Variants in SCFD2 observed in about 807,000 individuals in gnomAD.
SCFD2 encodes the protein sec1 family domain-containing protein 2.
In SCFD2, 54 loss-of-function variants were observed where a neutral mutation model predicts 58.9. That is an observed-to-expected ratio of 0.92 (90% CI 0.74 to 1.15). SCFD2 has a LOEUF of 1.15. Among genes scored for constraint, SCFD2 ranks in the 50% most tolerant of loss-of-function variants. The pLI, the probability that SCFD2 is intolerant of heterozygous loss-of-function variation, is 0.00. For missense variants in SCFD2, 805 were observed against 836.6 expected, an observed-to-expected ratio of 0.96 and a Z score of 0.47; for synonymous variants, 321 against 335.9, an observed-to-expected ratio of 0.96 and a Z score of 0.49.
chr4:52,996,129 G>GT (rs1721736349), intron 5 of SCFD2, among the ~76,000 whole-genome samples: 1 of 152,176 alleles, frequency 6.6e-6, no homozygotes, highest in Non-Finnish European at 1.5e-5. Flanking sequence ...GATTATGGAA[G>GT]TTTTTTCCTC....
intron 4 of SCFD2, among the ~76,000 whole-genome samples, chr4:53,242,957 T>C (rs1291280085): frequency 6.6e-6 from 1 of 152,038 alleles, no homozygotes; most frequent in African/African-American, 2.4e-5. Flanking sequence ...AAAACATAAA[T>C]AAAACCTCTG....
At chr4:53,110,528 C>A (rs1236837234) in intron 5 of SCFD2, among the ~76,000 whole-genome samples, 1 of 152,170 alleles carries the variant, frequency 6.6e-6, no homozygotes, top group East Asian at 1.9e-4. Flanking sequence ...CTACAAGGAA[C>A]TTAAACAAAT....
At chr4:53,216,536 T>C (rs1300720754) in intron 4 of SCFD2, among the ~76,000 whole-genome samples, 1 of 152,184 alleles carries the variant, frequency 6.6e-6, no homozygotes, top group African/African-American at 2.4e-5. Flanking sequence ...TTCTTCTCTC[T>C]TTTTTTCTTT....
intron 5 of SCFD2, chr4:52,949,281 A>G (rs1720524326): frequency 6.6e-6 from 1 of 152,232 alleles, no homozygotes; most frequent in South Asian, 2.1e-4. Flanking sequence ...AATATTTTAC[A>G]TGAATACTTC....
At chr4:53,054,119 C>T (rs1723258076) in intron 5 of SCFD2, among the ~76,000 whole-genome samples, 1 of 152,078 alleles carries the variant, frequency 6.6e-6, no homozygotes. Context: ...CTCTGATAAC[C>T]ACCCATCTAG....
chr4:52,915,983 G>T (rs1386038597), intron 6 of SCFD2, among the ~76,000 whole-genome samples: 1 of 152,240 alleles, frequency 6.6e-6, no homozygotes, highest in Non-Finnish European at 1.5e-5. Context: ...GGCACTGCTG[G>T]TTCAAAATGC....
At chr4:53,035,917 G>A (rs1458895912) in intron 5 of SCFD2, among the ~76,000 whole-genome samples, 1 of 152,112 alleles carries the variant, frequency 6.6e-6, no homozygotes, top group Non-Finnish European at 1.5e-5. Context: ...AGACAGTGTG[G>A]CGATTCCTCA....
intron 5 of SCFD2, among the ~76,000 whole-genome samples, chr4:53,074,348 GCT>G (rs890540700): frequency 3.3e-5 from 5 of 152,118 alleles, no homozygotes; most frequent in Admixed American, 1.3e-4. Context: ...TACTTCATCT[GCT>G]GAAGTCTTGA....
intron 4 of SCFD2, among the ~76,000 whole-genome samples, chr4:53,244,834 A>AT (rs1385984569): frequency 6.6e-6 from 1 of 151,380 alleles, no homozygotes; most frequent in Non-Finnish European, 1.5e-5. Flanking sequence ...AAAAAAAATA[A>AT]TAATAATAAT....
At chr4:52,963,962 A>G (rs1720906294) in intron 5 of SCFD2, among the ~76,000 whole-genome samples, 1 of 152,268 alleles carries the variant, frequency 6.6e-6, no homozygotes, top group Non-Finnish European at 1.5e-5. Context: ...ACACATGAGA[A>G]TGAAGGACTA....
At chr4:53,294,430 T>G (rs1731950732) in intron 3 of SCFD2, among the ~76,000 whole-genome samples, 1 of 152,248 alleles carries the variant, frequency 6.6e-6, no homozygotes, top group African/African-American at 2.4e-5. Context: ...GTTGGCTGCA[T>G]AAAGGTCTTC....
intron 1 of SCFD2, among the ~76,000 whole-genome samples, chr4:53,354,507 C>T (rs1734343911): frequency 6.6e-6 from 1 of 152,202 alleles, no homozygotes; most frequent in African/African-American, 2.4e-5. Context: ...CCTCAACCAG[C>T]CCAGAGAGGG....
chr4:53,131,149 G>A (rs571780072), intron 5 of SCFD2, among the ~76,000 whole-genome samples: 2 of 152,292 alleles, frequency 1.3e-5, no homozygotes, highest in Admixed American at 1.3e-4. Context: ...AAATTTATAT[G>A]TGGGCTCTAC....
intron 4 of SCFD2, among the ~76,000 whole-genome samples, chr4:53,226,723 G>A (rs1412103216): frequency 6.6e-6 from 1 of 152,088 alleles, no homozygotes; most frequent in Non-Finnish European, 1.5e-5. Context: ...GGTGATCAGT[G>A]CAAGAGGATG....
At chr4:53,089,209 A>G (rs965238916) in intron 5 of SCFD2, among the ~76,000 whole-genome samples, 1 of 152,132 alleles carries the variant, frequency 6.6e-6, no homozygotes. Context: ...TGTCTATTAA[A>G]TTTTTTGTTC....
chr4:53,238,038 TG>T, intron 4 of SCFD2, among the ~76,000 whole-genome samples: 3 of 134,212 alleles, frequency 2.2e-5, no homozygotes, highest in South Asian at 2.5e-4. Context: ...ATGGGGTGGC[TG>T]GCCGGGCGGG....
At chr4:52,996,362 C>T (rs576679127) in intron 5 of SCFD2, among the ~76,000 whole-genome samples, 2 of 152,348 alleles carry the variant, frequency 1.3e-5, no homozygotes, top group African/African-American at 4.8e-5. Flanking sequence ...GTCGCCTGAC[C>T]GTCACTGGAG....
intron 4 of SCFD2, among the ~76,000 whole-genome samples, chr4:53,212,527 CAA>C (rs1327374150): frequency 7.3e-5 from 11 of 150,408 alleles, no homozygotes; most frequent in African/African-American, 2.7e-4. Context: ...AGAACCCACA[CAA>C]TATAGTATTA....
intron 5 of SCFD2, among the ~76,000 whole-genome samples, chr4:53,121,518 T>A (rs1416570105): frequency 1.3e-5 from 2 of 152,218 alleles, no homozygotes; most frequent in African/African-American, 4.8e-5. Context: ...GAGCCTGCCA[T>A]CCAGTTTCTT....
Sources: allele counts gnomAD v4.1 joint callset (sites outside exome capture counted in the v4.1 genomes callset), GRCh38; gene constraint gnomAD v4.1.1; transcripts MANE v1.5; gene names NCBI Gene and HGNC (gene_info 2026-07-23, HGNC 2026-07-21).